Variants in IRF6 observed in about 807,000 individuals in gnomAD.
IRF6 encodes interferon regulatory factor 6.
In IRF6, 6 loss-of-function variants were observed where a neutral mutation model predicts 51.4. The ratio of observed to expected loss-of-function variants is 0.12; its 90% CI spans 0.06 to 0.23. The LOEUF is 0.23. Ranked by LOEUF, IRF6 falls within the 10% of genes least tolerant of loss-of-function variation. IRF6 has a pLI of 1.00. For missense variants in IRF6, 348 were observed against 585.2 expected, an observed-to-expected ratio of 0.59 and a Z score of 4.18; for synonymous variants, 178 against 215.7, an observed-to-expected ratio of 0.83 and a Z score of 1.53.
chr1:209,791,785 T>TTTG (rs138788153), intron 6 of IRF6, among the ~76,000 whole-genome samples: 7 of 152,064 alleles, frequency 4.6e-5, no homozygotes, highest in Admixed American at 2.0e-4. Context: ...AGCCAATGTT[T>TTTG]TTGTTGTTGT....
Position 209,789,746 on chromosome 1 carries a change from G to A in IRF6, c.1100C>T (p.Pro367Leu), listed in dbSNP as rs1467387507. Reference sequence around the variant, plus strand: ...AAAGCATAAGTAGATCTCAAACGGTGGCTGCTTCTCTATCTGTCCTTTCTG... The same window carrying A: ...AAAGCATAAGTAGATCTCAAACGGTAGCTGCTTCTCTATCTGTCCTTTCTG... ...AHQKGQIEKQPPFEIYLCFGE... is the reference protein window; with the variant it reads ...AHQKGQIEKQLPFEIYLCFGE... The change falls in exon 8 of 9, where the codon CCA becomes CTA. Residue 367 changes from proline (P) to leucine (L), a missense_variant. Pro to Leu is a moderately conservative substitution (Grantham distance 98, BLOSUM62 -3). Transcript: ENST00000367021. The A allele has an allele frequency of 2.5e-6, 4 of 1,614,060 alleles. No homozygotes were observed. Among genetic ancestry groups the A allele is most frequent in the Non-Finnish European group, 8.5e-7 (1 of 1,179,978 alleles).
Position 209,788,121 on chromosome 1 carries a change from C to T in IRF6, c.*299G>A. On this transcript the variant is annotated 3_prime_UTR_variant, in exon 9 of 9. Transcript: ENST00000367021. The stretch of plus-strand genomic sequence containing the variant: ...AAGCCCAGAGGTTAAAGGACTTGTT[C>T]AAGGTCACATTGGAAGCAAAGCTGC... The T allele has an allele frequency of 4.7e-6, 2 of 423,058 alleles. No homozygotes were observed. Among genetic ancestry groups the T allele is most frequent in the South Asian group, 4.9e-5 (2 of 40,766 alleles). The allele number at this position is 423,058 out of a possible 1,614,324, so 26.2% of individuals were successfully genotyped here. A position where few individuals can be genotyped will look rare whatever the true frequency, so the allele number is the denominator to read the frequency against.
chr1:209,787,349 A>G lies in IRF6; in HGVS notation c.*1071T>C, dbSNP rs2077840821. ...CTGTTCACACTCAGATACCTCCACT[A>G]GTAAGGGAGACAAGCAGGTTCGTGC... On this transcript the variant is annotated 3_prime_UTR_variant, in exon 9 of 9. Transcript: ENST00000367021. 1 of 152,372 alleles carries G rather than the reference A, an allele frequency of 6.6e-6. No individual in the cohort carries two copies. The highest frequency in any genetic ancestry group is 2.4e-5 in the African/African-American group (1 of 41,442). The allele number at this position is 152,372 out of a possible 1,614,324, so 9.4% of individuals were successfully genotyped here. A position where few individuals can be genotyped will look rare whatever the true frequency, so the allele number is the denominator to read the frequency against.
chr1:209,788,759 G>C, intron 8 of IRF6, 115 bp from the exon 9 acceptor site: 1 of 768,444 alleles, frequency 1.3e-6, no homozygotes, highest in Non-Finnish European at 2.2e-6. Context: ...ACCCCATTCT[G>C]ATGTCTAAAT....
chr1:209,794,939 C>T (rs1017783985), intron 5 of IRF6, among the ~76,000 whole-genome samples: 25 of 152,068 alleles, frequency 1.6e-4, no homozygotes, highest in Admixed American at 1.3e-4. Context: ...AGAGTTTGCC[C>T]GTAACTCGAA....
intron 3 of IRF6, among the ~76,000 whole-genome samples, chr1:209,799,162 A>G (rs1347551271): frequency 6.6e-6 from 1 of 152,036 alleles, no homozygotes; most frequent in African/African-American, 2.4e-5. Context: ...TTTCATCCCC[A>G]TTTTACCAAA....
intron 3 of IRF6, among the ~76,000 whole-genome samples, chr1:209,797,301 T>C (rs893682665): frequency 8.0e-6 from 1 of 125,186 alleles, no homozygotes; most frequent in Non-Finnish European, 1.6e-5. Context: ...ACCCGGGAGG[T>C]GGAGATTGTA....
chr1:209,799,175 G>A (rs887875412), intron 3 of IRF6, among the ~76,000 whole-genome samples: 10 of 152,212 alleles, frequency 6.6e-5, no homozygotes, highest in African/African-American at 2.4e-4. Flanking sequence ...TTACCAAAGG[G>A]AGAGCTGAAG....
chr1:209,804,184 CT>C (rs1413521691), intron 1 of IRF6, among the ~76,000 whole-genome samples: 1 of 152,114 alleles, frequency 6.6e-6, no homozygotes, highest in Non-Finnish European at 1.5e-5. Context: ...AACAACAATC[CT>C]TTGTATCTGT....
At chr1:209,791,163 T>C in intron 6 of IRF6, 1 of 543,608 alleles carries the variant, frequency 1.8e-6, no homozygotes, top group East Asian at 1.5e-4. Flanking sequence ...AGTAAAGTGG[T>C]CCTGGTGTCC....
In IRF6 at chr1:209,788,452, T is replaced by C; in HGVS notation, c.1372A>G (p.Met458Val). The part of the protein sequence containing the change: ...SWQPMQPTPS[M>V]QLPPALPPQ ...GGAGGCAGGGCAGGGGGCAGTTGCA[T>C]GCTGGGGGTGGGCTGCATGGGCTGC... Residue 458 changes from methionine to valine, a missense_variant, in exon 9 of 9, where the codon ATG becomes GTG. Met to Val is a conservative substitution (Grantham distance 21). Coordinates refer to ENST00000367021, the MANE Select transcript of IRF6 (RefSeq NM_006147.4). The C allele has an allele frequency of 3.1e-6, 5 of 1,613,268 alleles. No homozygotes were observed. The highest frequency in any genetic ancestry group is 4.2e-6 in the Non-Finnish European group (5 of 1,179,520).
chr1:209,796,299 C>G lies in IRF6; in HGVS notation c.379+49G>C, dbSNP rs1657707668. The G allele has an allele frequency of 3.3e-6, 5 of 1,506,178 alleles. No individual in the cohort carries two copies. The highest frequency in any genetic ancestry group is 1.7e-5 in the Admixed American group (1 of 59,762). The allele number at this position is 1,506,178 out of a possible 1,614,324, so 93.3% of individuals were successfully genotyped here. ...GTTGACTATCTCTTAAGAGTGCAGC[C>G]CAGAATCTGGCATGCTGCCCACCTT... On this transcript the variant is annotated intron_variant, in intron 4 of 8. Transcript: ENST00000367021. The surrounding 1 kb of genome is among the most constrained non-coding windows in gnomAD (Gnocchi z 4.5).
At position 209,790,721 on chromosome 1, in the gene IRF6, A is replaced by G; in HGVS notation, c.834T>C (p.Gly278=). 6.2e-7 allele frequency: 1 copy of G among 1,614,140 alleles called. No homozygotes were observed. Among genetic ancestry groups the G allele is most frequent in the Non-Finnish European group, 8.5e-7 (1 of 1,180,024 alleles). Residue 278 remains glycine, a synonymous_variant, in exon 7 of 9, where the codon GGT becomes GGC. Transcript: ENST00000367021. The surrounding 1 kb of genome is among the most constrained non-coding windows in gnomAD (Gnocchi z 4.8). ...GCTTCTCATTGGTAATATGCTCAGGACCTGGGAATTTGACCTGCTCCAGGC... is the reference window on the plus strand; with the variant it reads ...GCTTCTCATTGGTAATATGCTCAGGGCCTGGGAATTTGACCTGCTCCAGGC... ...PVSLEQVKFP[G]PEHITNEKQK...
Position 209,797,370 on chromosome 1 carries a change from C to CAAA in IRF6, c.175-821_175-819dup, listed in dbSNP as rs11418099. On this transcript the variant is annotated intron_variant, in intron 3 of 8. Coordinates refer to ENST00000367021, the MANE Select transcript of IRF6 (RefSeq NM_006147.4). Reference sequence around the variant, plus strand: ...GGGCAACAAGAGTAAAACTTCATCTCAAAAAAAAAAAAAAAAAAAAAAAAA... The same window carrying CAAA: ...GGGCAACAAGAGTAAAACTTCATCTCAAAAAAAAAAAAAAAAAAAAAAAAAAAA... Among the ~76,000 whole-genome samples, 281 of 48,578 alleles carry CAAA rather than the reference C, an allele frequency of 5.8e-3. 44 individuals are homozygous for CAAA. Among genetic ancestry groups the CAAA allele is most frequent in the Admixed American group, 0.054 (157 of 2,926 alleles). 31.9% of individuals were successfully genotyped at this position (48,578 alleles called of 152,430 possible).
Position 209,788,424 on chromosome 1 carries a change from T to C in IRF6, c.1400A>G (p.Gln467Arg), listed in dbSNP as rs1195873569. ...GGAAGAAGATGGCATTCACAATTAC[T>C]GGGGAGGCAGGGCAGGGGGCAGTTG... The part of the protein sequence containing the change: ...SMQLPPALPP[Q>R] The change falls in exon 9 of 9, where the codon CAG becomes CGG. Residue 467 changes from glutamine (Q) to arginine (R), a missense_variant. Around this residue, in one of 5 missense-constraint regions of IRF6, gnomAD observed 48 missense variants for 66.9 expected, o/e 0.72. Transcript: ENST00000367021. 6.3e-7 allele frequency: 1 copy of C among 1,581,684 alleles called. No individual in the cohort carries two copies. The highest frequency in any genetic ancestry group is 8.7e-7 in the Non-Finnish European group (1 of 1,151,996).
chr1:209,796,100 C>T lies in IRF6; in HGVS notation c.379+248G>A, dbSNP rs143046729. ...TGAATCCCAAAAGAGGCTACTTTTA[C>T]AGTAGAACTGTATACCCCTCCACTT... On this transcript the variant is annotated intron_variant, in intron 4 of 8. Coordinates refer to ENST00000367021, the MANE Select transcript of IRF6 (RefSeq NM_006147.4). The surrounding 1 kb of genome is among the most constrained non-coding windows in gnomAD (Gnocchi z 4.5). Among the ~76,000 whole-genome samples the T allele has an allele frequency of 2.6e-3, 400 of 152,346 alleles. 2 individuals carry two copies. The highest frequency in any genetic ancestry group is 8.6e-3 in the African/African-American group (359 of 41,586).
In IRF6 at chr1:209,802,036, C is replaced by T. The variant is rs1051616431; in HGVS notation, c.-68G>A. 6.6e-6 allele frequency: 1 copy of T among 152,160 alleles called. No homozygotes were observed. Among genetic ancestry groups the T allele is most frequent in the Non-Finnish European group, 1.5e-5 (1 of 68,066 alleles). 9.4% of individuals were successfully genotyped at this position (152,160 alleles called of 1,614,324 possible). A position where few individuals can be genotyped will look rare whatever the true frequency, so the allele number is the denominator to read the frequency against. On this transcript the variant is annotated 5_prime_UTR_variant, in exon 2 of 9. Coordinates refer to ENST00000367021, the MANE Select transcript of IRF6 (RefSeq NM_006147.4). ...TCGGCTTGTCTTTCCCTTGACCGCT[C>T]AAAGATTCTGTATGGAGAAAAGGAG...
At chr1:209,800,535 T>G (rs751621750) in intron 3 of IRF6, among the ~76,000 whole-genome samples, 1 of 152,102 alleles carries the variant, frequency 6.6e-6, no homozygotes, top group Non-Finnish European at 1.5e-5. Flanking sequence ...GGAGGGAGGA[T>G]CACTTGACCC....
intron 5 of IRF6, chr1:209,793,049 T>TC (rs1344093937): frequency 1.8e-4 from 11 of 62,000 alleles, no homozygotes; most frequent in African/African-American, 3.9e-4. Context: ...AATTAAAAGG[T>TC]TTAAAAAAAG....
Sources: allele counts gnomAD v4.1 joint callset (sites outside exome capture counted in the v4.1 genomes callset), GRCh38; gene constraint gnomAD v4.1.1; regional missense constraint gnomAD v4.1.1; non-coding constraint Gnocchi (gnomAD v3.1); transcripts MANE v1.5; gene names NCBI Gene and HGNC (gene_info 2026-07-23, HGNC 2026-07-21).